Variants in SETD5 observed in about 807,000 individuals in gnomAD.
The protein encoded by SETD5 is SET domain containing 5, also known as histone-lysine N-methyltransferase SETD5.
In SETD5, 44 loss-of-function variants were observed where a neutral mutation model predicts 153.3. That is an observed-to-expected ratio of 0.29 (90% CI 0.23 to 0.37). The LOEUF (loss-of-function observed/expected upper bound fraction) is 0.37. Ranked by LOEUF, SETD5 falls within the 10% of genes least tolerant of loss-of-function variation. The pLI, the probability that SETD5 is intolerant of heterozygous loss-of-function variation, is 1.00. For missense variants in SETD5, 1,544 were observed against 1,768.0 expected (o/e 0.87, Z 2.27); for synonymous variants, 716 against 645.2 (o/e 1.11, Z -1.66).
chr3:9,432,831 A>G (rs1408655787), intron 3 of SETD5, among the ~76,000 whole-genome samples: 2 of 152,234 alleles, frequency 1.3e-5, no homozygotes, highest in African/African-American at 4.8e-5. Context: ...AAAGGGTACA[A>G]AAAGATACTA....
At chr3:9,448,037 A>G in intron 15 of SETD5, 31 bp downstream of exon 15, 1 of 1,588,562 alleles carries the variant, frequency 6.3e-7, no homozygotes, top group Non-Finnish European at 8.6e-7. Flanking sequence ...TTATAAGTCC[A>G]GTCTGGCAAG....
intron 6 of SETD5, among the ~76,000 whole-genome samples, chr3:9,435,272 C>G (rs1019640984): frequency 2.0e-5 from 3 of 151,626 alleles, no homozygotes; most frequent in African/African-American, 7.3e-5. Flanking sequence ...AAAAGAACCC[C>G]TCTTACAAGT....
At chr3:9,458,201 A>T (rs2043496340) in intron 17 of SETD5, among the ~76,000 whole-genome samples, 1 of 152,176 alleles carries the variant, frequency 6.6e-6, no homozygotes, top group Non-Finnish European at 1.5e-5. Flanking sequence ...AGGTAGGAGG[A>T]TCACTCAAGC....
chr3:9,461,374 G>A (rs1193349252), intron 17 of SETD5, among the ~76,000 whole-genome samples: 1 of 152,116 alleles, frequency 6.6e-6, no homozygotes, highest in Non-Finnish European at 1.5e-5. Flanking sequence ...TAGTTACTGA[G>A]TAGTTTAGGT....
chr3:9,429,089 T>C (rs931022156), intron 3 of SETD5, 80 bp downstream of exon 3: 9 of 941,804 alleles, frequency 9.6e-6, no homozygotes, highest in Non-Finnish European at 1.5e-5. Context: ...AATAGGATAA[T>C]ATGTAGTATT....
intron 1 of SETD5, among the ~76,000 whole-genome samples, chr3:9,408,752 T>C (rs2036109974): frequency 6.6e-6 from 1 of 152,190 alleles, no homozygotes; most frequent in Admixed American, 6.5e-5. Flanking sequence ...TTGTTATTCA[T>C]TGCCTAGATC....
chr3:9,443,325 A>G lies in SETD5; in HGVS notation c.1095A>G (p.Ala365=). 1 of 1,551,150 alleles carries G rather than the reference A, an allele frequency of 6.4e-7. No individual in the cohort carries two copies. The highest frequency in any genetic ancestry group is 8.7e-7 in the Non-Finnish European group (1 of 1,148,394). ...TPNAEVRHMI[A]DGMIHLCIYA... ...TCACACAGGTGCGACACATGATTGCAGATGGGATGATTCACCTGTGCATCT... is the reference window on the plus strand; with the variant it reads ...TCACACAGGTGCGACACATGATTGCGGATGGGATGATTCACCTGTGCATCT... The change falls in exon 11 of 23, where the codon GCA becomes GCG. Residue 365 remains alanine, a synonymous_variant. Transcript: ENST00000402198.
chr3:9,433,411 T>C (rs1365731834), intron 3 of SETD5: 4 of 1,289,912 alleles, frequency 3.1e-6, no homozygotes, highest in South Asian at 1.2e-5. Flanking sequence ...GCCTGGTCCC[T>C]GGGGCAGTGC....
At chr3:9,445,965 G>GGTTTTTTTTT (rs2041907619) in intron 13 of SETD5, among the ~76,000 whole-genome samples, 1 of 86,476 alleles carries the variant, frequency 1.2e-5, no homozygotes, top group African/African-American at 4.7e-5. Flanking sequence ...TGAAGAGGTT[G>GGTTTTTTTTT]TTTTTTTTTT....
intron 1 of SETD5, among the ~76,000 whole-genome samples, chr3:9,407,255 GAGGC>G (rs2035846255): frequency 6.6e-6 from 1 of 152,168 alleles, no homozygotes; most frequent in Non-Finnish European, 1.5e-5. Flanking sequence ...TTGACCCTGG[GAGGC>G]AGAGGTTGCA....
At chr3:9,468,489 A>G (rs921236549) in intron 18 of SETD5, 3 of 1,303,464 alleles carry the variant, frequency 2.3e-6, no homozygotes, top group Admixed American at 4.6e-5. Context: ...GAGTAGATGA[A>G]TAATAACAAG....
chr3:9,446,371 T>A (rs944918306), intron 13 of SETD5, among the ~76,000 whole-genome samples: 1 of 151,992 alleles, frequency 6.6e-6, no homozygotes, highest in Non-Finnish European at 1.5e-5. Flanking sequence ...TGCTCTGAAT[T>A]AGGAATTTTC....
chr3:9,421,895 G>T (rs912740187), intron 1 of SETD5, among the ~76,000 whole-genome samples: 1 of 152,142 alleles, frequency 6.6e-6, no homozygotes, highest in Admixed American at 6.5e-5. Context: ...TTTATTTCAG[G>T]ATATATCTTA....
Position 9,476,112 on chromosome 3 carries a change from C to G in SETD5, c.*21C>G, listed in dbSNP as rs929175073. On this transcript the variant is annotated 3_prime_UTR_variant, in exon 23 of 23. Transcript: ENST00000402198. ...CCTAGGGCTTCTGGATTTGGGCAAA[C>G]AGAACTGAATGAGCCCATAGCTGCT... 1.5e-5 allele frequency: 24 copies of G among 1,606,766 alleles called. No individual in the cohort carries two copies. The highest frequency in any genetic ancestry group is 6.7e-5 in the African/African-American group (5 of 74,726).
In SETD5 at chr3:9,475,784, C is replaced by T. The variant is rs1166693724; in HGVS notation, c.4022C>T (p.Pro1341Leu). 1 of 1,614,020 alleles carries T rather than the reference C, an allele frequency of 6.2e-7. No homozygotes were observed. The highest frequency in any genetic ancestry group is 1.6e-4 in the Middle Eastern group (1 of 6,062). ...TGSNLPRRSCPSSAASPTLQG... is the reference protein window; with the variant it reads ...TGSNLPRRSCLSSAASPTLQG... The stretch of plus-strand genomic sequence containing the variant: ...AGCAATCTTCCAAGGAGGAGCTGCC[C>T]TTCTAGTGCTGCTAGCCCTACCCTG... Residue 1341 changes from proline (P) to leucine (L), a missense_variant, in exon 23 of 23, where the codon CCT (proline) becomes CTT (leucine). This residue lies in a region of SETD5 where 302 missense variants were observed against 277.6 expected (regional missense o/e 1.09). Transcript: ENST00000402198.
intron 17 of SETD5, among the ~76,000 whole-genome samples, chr3:9,458,147 A>G (rs1349173731): frequency 6.6e-6 from 1 of 152,100 alleles, no homozygotes; most frequent in Non-Finnish European, 1.5e-5. Flanking sequence ...ATCTAGCTGG[A>G]CACGGTGGCA....
chr3:9,461,191 A>G (rs1390023829), intron 17 of SETD5, among the ~76,000 whole-genome samples: 2 of 152,180 alleles, frequency 1.3e-5, no homozygotes, highest in Non-Finnish European at 2.9e-5. Flanking sequence ...CTACACATAT[A>G]TAGATATTCT....
At chr3:9,474,703 TGCTAGGTTC>T in intron 21 of SETD5, 121 bp downstream of exon 21, 1 of 1,381,024 alleles carries the variant, frequency 7.2e-7, no homozygotes, top group Non-Finnish European at 9.8e-7. Context: ...CTCCACCGCA[TGCTAGGTTC>T]CAGCCCACTT....
intron 1 of SETD5, among the ~76,000 whole-genome samples, chr3:9,418,582 C>G (rs1028250675): frequency 9.9e-5 from 15 of 151,970 alleles, no homozygotes; most frequent in Non-Finnish European, 2.1e-4. Flanking sequence ...GCAGGCAGAT[C>G]ACCTGAGCCC....
Sources: gnomAD v4.1 joint callset for allele counts (sites outside exome capture counted in the v4.1 genomes callset) on GRCh38, gnomAD v4.1.1 for gene constraint, gnomAD v4.1.1 regional missense constraint, MANE v1.5 for transcripts, NCBI Gene and HGNC (gene_info 2026-07-23, HGNC 2026-07-21) for gene names.